NXPE2: variants seen among roughly 807,000 people sequenced by gnomAD.
The protein encoded by NXPE2 is NXPE family member 2.
A neutral mutation model predicts 34.4 loss-of-function variants in NXPE2; 34 were observed. The ratio of observed to expected loss-of-function variants is 0.99; its 90% confidence interval spans 0.75 to 1.31. The LOEUF (loss-of-function observed/expected upper bound fraction) is 1.31, where lower values mean the gene tolerates loss of function less well. NXPE2 is among the 40% of genes most tolerant of loss of function. NXPE2 has a pLI of 0.00. For synonymous variants in NXPE2, 235 were observed against 231.3 expected, an observed-to-expected ratio of 1.02 and a Z score of -0.15; for missense variants, 649 against 672.5, an observed-to-expected ratio of 0.97 and a Z score of 0.39.
chr11:114,780,672 A>G, the NXPE2 span, among the ~76,000 whole-genome samples: 1 of 152,172 alleles, frequency 6.6e-6, no homozygotes, highest in Non-Finnish European at 1.5e-5. Context: ...AAAAAACAAC[A>G]TGCTGTAAGA....
At chr11:114,629,349 T>A in the NXPE2 span, among the ~76,000 whole-genome samples, 16 of 152,242 alleles carry the variant, frequency 1.1e-4, no homozygotes, top group South Asian at 3.3e-3. Flanking sequence ...ATCCCTGGGA[T>A]GCAAGCCTGG....
At chr11:114,508,852 A>G in the NXPE2 span, among the ~76,000 whole-genome samples, 2,518 of 149,560 alleles carry the variant, frequency 0.017, 52 homozygotes, top group African/African-American at 0.057. Flanking sequence ...AGATTTCATG[A>G]TGAAGATTCC....
chr11:114,622,017 T>C, the NXPE2 span, among the ~76,000 whole-genome samples: 1,428 of 152,150 alleles, frequency 9.4e-3, 24 homozygotes, highest in African/African-American at 0.032. Context: ...TACTGGCTCA[T>C]GGGTAACCAC....
chr11:114,767,710 G>A, the NXPE2 span, among the ~76,000 whole-genome samples: 2 of 152,246 alleles, frequency 1.3e-5, no homozygotes, highest in African/African-American at 4.8e-5. Context: ...ACTTAGCACA[G>A]ACTCCACACA....
the NXPE2 span, among the ~76,000 whole-genome samples, chr11:114,569,452 A>T: frequency 6.6e-6 from 1 of 152,182 alleles, no homozygotes; most frequent in Non-Finnish European, 1.5e-5. Flanking sequence ...TTTTTCAAAC[A>T]AAAAGCTCAC....
the NXPE2 span, among the ~76,000 whole-genome samples, chr11:114,592,071 C>T: frequency 6.6e-6 from 1 of 152,166 alleles, no homozygotes; most frequent in Non-Finnish European, 1.5e-5. Flanking sequence ...GCTAACATCA[C>T]ATTCAATGTG....
Position 114,679,850 on chromosome 11 carries a change from TA to T in NXPE2, c.132+92del, listed in dbSNP as rs1477556771. On this transcript the variant is annotated intron_variant, in intron 2 of 5. Coordinates refer to ENST00000389586, the MANE Select transcript of NXPE2 (RefSeq NM_182495.6). ...CTTTATCATGGCAAGAAATAAAAGTTAAAAGCATATCATCTTAGCAGGAGAA... is the reference window on the plus strand; with the variant it reads ...CTTTATCATGGCAAGAAATAAAAGTTAAAGCATATCATCTTAGCAGGAGAA... The T allele has an allele frequency of 6.7e-6, 5 of 746,946 alleles. No individual in the cohort carries two copies. The East Asian group carries it at 1.3e-4, about 20-fold the overall frequency. 46.3% of individuals were successfully genotyped at this position (746,946 alleles called of 1,614,324 possible).
the NXPE2 span, among the ~76,000 whole-genome samples, chr11:114,487,451 TG>T: frequency 6.6e-6 from 1 of 152,160 alleles, no homozygotes; most frequent in South Asian, 2.1e-4. Flanking sequence ...AAGGATAATT[TG>T]ACTTCTTCCT....
chr11:114,467,422 T>C, the NXPE2 span, among the ~76,000 whole-genome samples: 7 of 152,154 alleles, frequency 4.6e-5, no homozygotes, highest in African/African-American at 1.7e-4. Flanking sequence ...GTCCTAAAAA[T>C]ATCAAGGATA....
intron 3 of NXPE2, among the ~76,000 whole-genome samples, chr11:114,703,728 GAT>G (rs1951416618): frequency 3.2e-5 from 3 of 93,782 alleles, no homozygotes; most frequent in Non-Finnish European, 7.7e-5. Context: ...CAGACAGACA[GAT>G]AGATAGATAG....
chr11:114,662,505 C>T, the NXPE2 span, among the ~76,000 whole-genome samples: 1 of 152,166 alleles, frequency 6.6e-6, no homozygotes, highest in Non-Finnish European at 1.5e-5. Flanking sequence ...GCTACTAGTG[C>T]TGAACTTGGC....
At chr11:114,527,599 T>C in the NXPE2 span, among the ~76,000 whole-genome samples, 1 of 152,186 alleles carries the variant, frequency 6.6e-6, no homozygotes, top group African/African-American at 2.4e-5. Context: ...GGAGATGAAC[T>C]CTCAGGTTTA....
At chr11:114,755,925 G>A in the NXPE2 span, among the ~76,000 whole-genome samples, 2 of 152,132 alleles carry the variant, frequency 1.3e-5, no homozygotes, top group Non-Finnish European at 2.9e-5. Context: ...CTTCTCTAGA[G>A]TACTTCTCCA....
chr11:114,486,823 T>C, the NXPE2 span, among the ~76,000 whole-genome samples: 1 of 152,158 alleles, frequency 6.6e-6, no homozygotes, highest in Non-Finnish European at 1.5e-5. Flanking sequence ...TGGATTTGTT[T>C]CTGGGTTCTC....
chr11:114,747,164 A>G, the NXPE2 span, among the ~76,000 whole-genome samples: 1 of 152,188 alleles, frequency 6.6e-6, no homozygotes, highest in Non-Finnish European at 1.5e-5. Context: ...ATACTACTGT[A>G]ATGAACAACC....
At chr11:114,731,330 A>G in the NXPE2 span, among the ~76,000 whole-genome samples, 2 of 152,240 alleles carry the variant, frequency 1.3e-5, no homozygotes, top group African/African-American at 2.4e-5. Flanking sequence ...TTAGAAGACA[A>G]AACATGCAGT....
chr11:114,767,336 G>A, the NXPE2 span, among the ~76,000 whole-genome samples: 2 of 152,126 alleles, frequency 1.3e-5, no homozygotes. Flanking sequence ...TGACAGTGGA[G>A]CTCAAAGAAC....
downstream of NXPE2, among the ~76,000 whole-genome samples, chr11:114,710,400 G>A (rs776672815): frequency 6.6e-6 from 1 of 151,984 alleles, no homozygotes; most frequent in Non-Finnish European, 1.5e-5. Flanking sequence ...ATTATAAATG[G>A]GCAATGAGAC....
the NXPE2 span, among the ~76,000 whole-genome samples, chr11:114,632,479 A>G: frequency 3.9e-5 from 5 of 127,736 alleles, no homozygotes; most frequent in African/African-American, 1.2e-4. Flanking sequence ...TATACTATAT[A>G]ATACTCCATA....
Sources: allele counts gnomAD v4.1 joint callset (sites outside exome capture counted in the v4.1 genomes callset), GRCh38; gene constraint gnomAD v4.1.1; transcripts MANE v1.5; gene names NCBI Gene and HGNC (gene_info 2026-07-23, HGNC 2026-07-21).